The following RTTN variants were observed in gnomAD, a reference collection of about 807,000 sequenced individuals.
RTTN encodes rotatin.
Under a neutral mutation model 269.2 loss-of-function variants are expected in RTTN, and 182 were observed. The observed-to-expected ratio is 0.68, with a 90% CI of 0.60 to 0.76. RTTN has a LOEUF of 0.76. Ranked by LOEUF, RTTN falls within the 30% of genes least tolerant of loss-of-function variation. The pLI, the probability that RTTN is intolerant of heterozygous loss-of-function variation, is 0.00. For synonymous variants in RTTN, 1,006 were observed against 963.5 expected (o/e 1.04, Z -0.82); for missense variants, 2,545 against 2,608.6 (o/e 0.98, Z 0.53).
intron 35 of RTTN, 27 bp downstream of exon 35, chr18:70,065,802 G>T: frequency 6.9e-7 from 1 of 1,457,390 alleles, no homozygotes; most frequent in Non-Finnish European, 9.3e-7. Flanking sequence ...TCTTTTTGAA[G>T]GTAGAATGTC....
At position 70,205,670 on chromosome 18, in the gene RTTN, A is replaced by G; in HGVS notation, c.-12T>C. 1.2e-6 allele frequency: 2 copies of G among 1,614,064 alleles called. No homozygotes were observed. The highest frequency in any genetic ancestry group is 1.7e-6 in the Non-Finnish European group (2 of 1,179,994). ...CCTGCCAGGACCATCTCGTCCCGTCAATCTGCAGCCGCCGGAGAATTAAAC... is the reference window on the plus strand; with the variant it reads ...CCTGCCAGGACCATCTCGTCCCGTCGATCTGCAGCCGCCGGAGAATTAAAC... On this transcript the variant is annotated 5_prime_UTR_variant, in exon 1 of 49. Transcript: ENST00000640769.
At chr18:70,186,868 G>T (rs191600790) in intron 10 of RTTN, among the ~76,000 whole-genome samples, 1 of 152,132 alleles carries the variant, frequency 6.6e-6, no homozygotes, top group African/African-American at 2.4e-5. Context: ...GGGATTACTC[G>T]ACGGCAGAGA....
At chr18:70,087,553 TA>T (rs933664062) in intron 31 of RTTN, among the ~76,000 whole-genome samples, 1 of 150,540 alleles carries the variant, frequency 6.6e-6, no homozygotes, top group South Asian at 2.1e-4. Context: ...AAAGCAGCAA[TA>T]AAAAAAAACC....
intron 45 of RTTN, among the ~76,000 whole-genome samples, chr18:70,018,588 T>C (rs574974576): frequency 7.3e-4 from 111 of 152,328 alleles, no homozygotes; most frequent in Non-Finnish European, 1.4e-3. Context: ...TTAACGTTTT[T>C]ATACAAAAGG....
chr18:70,076,312 C>T (rs2058428433), intron 32 of RTTN, among the ~76,000 whole-genome samples: 1 of 151,682 alleles, frequency 6.6e-6, no homozygotes, highest in African/African-American at 2.4e-5. Context: ...TCAAAACAGG[C>T]CATAAGAGAG....
Position 70,073,905 on chromosome 18 carries a change from C to A in RTTN, c.4653+1G>T. 1 of 1,605,894 alleles carries A rather than the reference C, an allele frequency of 6.2e-7. No homozygotes were observed. The highest frequency in any genetic ancestry group is 8.5e-7 in the Non-Finnish European group (1 of 1,173,292). ...AGGACTTATGCATTCTTTGCAAGTA[C>A]CGTTGTTTCTGAGGTGGAGAGAGAA... is the stretch of plus-strand genomic sequence containing the variant. On this transcript the variant is annotated splice_donor_variant, in intron 34 of 48. Coordinates refer to ENST00000640769, the MANE Select transcript of RTTN (RefSeq NM_173630.4). LOFTEE classifies it high-confidence loss of function.
chr18:70,062,479 C>T (rs2058016566), intron 35 of RTTN, among the ~76,000 whole-genome samples: 1 of 152,180 alleles, frequency 6.6e-6, no homozygotes, highest in South Asian at 2.1e-4. Context: ...ATTTCCCCTT[C>T]TTTCATATGC....
chr18:70,060,781 C>A (rs77801717), intron 35 of RTTN, among the ~76,000 whole-genome samples: 2,209 of 152,216 alleles, frequency 0.015, 24 homozygotes, highest in Middle Eastern at 0.037. Flanking sequence ...CCTCTGGTAA[C>A]CCTCATTCTA....
At chr18:70,084,969 G>A (rs914699994) in intron 32 of RTTN, among the ~76,000 whole-genome samples, 20 of 152,108 alleles carry the variant, frequency 1.3e-4, no homozygotes, top group Non-Finnish European at 1.5e-4. Context: ...AGCTACATAC[G>A]GTTCTGTATT....
chr18:70,022,903 T>C (rs1012174090), intron 44 of RTTN, among the ~76,000 whole-genome samples: 10 of 152,164 alleles, frequency 6.6e-5, no homozygotes, highest in African/African-American at 2.4e-4. Flanking sequence ...CTTCTCCATC[T>C]ACACATTCTC....
chr18:70,201,325 G>T (rs114316361), intron 4 of RTTN, among the ~76,000 whole-genome samples: 1 of 152,190 alleles, frequency 6.6e-6, no homozygotes, highest in African/African-American at 2.4e-5. Flanking sequence ...ATGTTCGGCC[G>T]GGCGCGGTGG....
intron 3 of RTTN, among the ~76,000 whole-genome samples, chr18:70,202,598 A>G (rs17082223): frequency 0.075 from 11,360 of 152,274 alleles, 874 homozygotes; most frequent in African/African-American, 0.19. Context: ...AAAAATTCAC[A>G]GTGTAAGACT....
intron 22 of RTTN, 145 bp from the exon 23 acceptor site, chr18:70,134,686 T>G: frequency 1.7e-6 from 1 of 583,254 alleles, no homozygotes. Flanking sequence ...AAACAACATG[T>G]TTGCTACTTC....
chr18:70,190,784 T>C (rs967909194), intron 8 of RTTN, 65 bp from the exon 9 acceptor site: 1 of 1,135,376 alleles, frequency 8.8e-7, no homozygotes, highest in Non-Finnish European at 1.3e-6. Context: ...TTACTGCATA[T>C]CTGCTGCCTC....
intron 25 of RTTN, 59 bp from the exon 26 acceptor site, chr18:70,121,759 T>C: frequency 5.7e-6 from 8 of 1,407,848 alleles, no homozygotes; most frequent in Non-Finnish European, 7.6e-6. Context: ...AATACCACTG[T>C]TCATCATAGA....
intron 19 of RTTN, 69 bp downstream of exon 19, chr18:70,142,219 C>T: frequency 9.8e-7 from 1 of 1,017,870 alleles, no homozygotes; most frequent in Non-Finnish European, 1.5e-6. Context: ...CAACTCCTGC[C>T]AGTACCATAT....
chr18:70,059,761 G>A (rs558769091), intron 36 of RTTN, 89 bp downstream of exon 36: 4 of 859,002 alleles, frequency 4.7e-6, no homozygotes, highest in African/African-American at 3.4e-5. Flanking sequence ...GTATTTCCAG[G>A]TCACAAGAAA....
intron 1 of RTTN, 135 bp downstream of exon 1, chr18:70,205,493 G>T: frequency 7.4e-7 from 1 of 1,356,510 alleles, no homozygotes; most frequent in Non-Finnish European, 1.0e-6. Context: ...GGGTCCCCGG[G>T]GGCTATCCTG....
At chr18:70,171,819 A>C (rs2061151065) in intron 11 of RTTN, among the ~76,000 whole-genome samples, 1 of 152,168 alleles carries the variant, frequency 6.6e-6, no homozygotes, top group African/African-American at 2.4e-5. Context: ...CTCAGGCCCT[A>C]CCCTTTACCT....
Sources: gnomAD v4.1 joint callset for allele counts (sites outside exome capture counted in the v4.1 genomes callset) on GRCh38, gnomAD v4.1.1 for gene constraint, MANE v1.5 for transcripts, NCBI Gene and HGNC (gene_info 2026-07-23, HGNC 2026-07-21) for gene names.